The following ARMC2 variants were observed in gnomAD, a reference collection of about 807,000 sequenced individuals.
ARMC2 encodes armadillo repeat-containing protein 2.
Under a neutral mutation model 90.3 loss-of-function variants are expected in ARMC2, and 67 were observed. That is an observed-to-expected ratio of 0.74 (90% CI 0.61 to 0.91). ARMC2 has a LOEUF of 0.91. Ranked by LOEUF, ARMC2 falls within the 40% of genes least tolerant of loss-of-function variation. The probability of loss-of-function intolerance (pLI) is 0.00; values close to 1 mark genes in which losing one functional copy is unlikely to be tolerated. For synonymous variants in ARMC2, 393 were observed against 393.0 expected, an observed-to-expected ratio of 1.00 and a Z score of 0.00; for missense variants, 920 against 1,030.9, an observed-to-expected ratio of 0.89 and a Z score of 1.47.
intron 9 of ARMC2, 53 bp downstream of exon 9, chr6:108,911,054 T>C: frequency 1.8e-6 from 2 of 1,130,336 alleles, no homozygotes; most frequent in Admixed American, 2.6e-5. Context: ...GAGTAAAAAT[T>C]AGAAGTCTGG....
chr6:108,854,183 C>A, intron 1 of ARMC2, 42 bp from the exon 2 acceptor site: 5 of 1,103,696 alleles, frequency 4.5e-6, no homozygotes, highest in Non-Finnish European at 6.5e-6. Flanking sequence ...TTATAAAGTC[C>A]TGGACAAAAA....
chr6:109,008,920 T>C, the ARMC2 span: 1 of 988,086 alleles, frequency 1.0e-6, no homozygotes, highest in Non-Finnish European at 1.2e-6. Flanking sequence ...GCAAAGGGGA[T>C]GAAGGTGGCT....
intron 10 of ARMC2, among the ~76,000 whole-genome samples, chr6:108,918,824 C>T (rs1297981896): frequency 2.0e-5 from 3 of 152,222 alleles, no homozygotes; most frequent in African/African-American, 4.8e-5. Flanking sequence ...GGGCAAGGCA[C>T]ATAGTAGGCA....
chr6:108,869,762 G>A (rs941628293), intron 4 of ARMC2, among the ~76,000 whole-genome samples: 11 of 152,032 alleles, frequency 7.2e-5, no homozygotes, highest in African/African-American at 2.7e-4. Flanking sequence ...CTAAACCTGG[G>A]AACAGAGAGG....
chr6:108,892,158 G>A (rs1024086820), intron 5 of ARMC2, among the ~76,000 whole-genome samples: 3 of 152,048 alleles, frequency 2.0e-5, no homozygotes, highest in Non-Finnish European at 4.4e-5. Flanking sequence ...TTGAAAGCAA[G>A]GCCTTGTCCC....
intron 4 of ARMC2, among the ~76,000 whole-genome samples, chr6:108,875,470 C>T (rs1455937933): frequency 6.6e-6 from 1 of 152,114 alleles, no homozygotes; most frequent in Admixed American, 6.6e-5. Context: ...ACCTTAGAGC[C>T]TCCATACCAG....
chr6:108,917,295 C>G (rs1227294293), intron 10 of ARMC2, among the ~76,000 whole-genome samples: 2 of 152,128 alleles, frequency 1.3e-5, no homozygotes, highest in Admixed American at 1.3e-4. Flanking sequence ...ACCTCCCTAG[C>G]AGCTCCCGCA....
chr6:108,943,849 A>G (rs1776624058), intron 12 of ARMC2, among the ~76,000 whole-genome samples: 1 of 152,176 alleles, frequency 6.6e-6, no homozygotes, highest in South Asian at 2.1e-4. Context: ...ACAAAACAAG[A>G]CAAAACAAAA....
At chr6:108,984,838 CAA>C in the ARMC2 span, among the ~76,000 whole-genome samples, 1 of 152,188 alleles carries the variant, frequency 6.6e-6, no homozygotes, top group Non-Finnish European at 1.5e-5. Context: ...GCAAAATCCA[CAA>C]ACTTTCCTAG....
intron 10 of ARMC2, among the ~76,000 whole-genome samples, chr6:108,918,982 G>C (rs986465559): frequency 6.6e-6 from 1 of 152,200 alleles, no homozygotes; most frequent in Non-Finnish European, 1.5e-5. Flanking sequence ...TAATCTTTTT[G>C]TTCGGGCTTT....
intron 3 of ARMC2, among the ~76,000 whole-genome samples, chr6:108,859,919 G>T (rs1394870964): frequency 1.3e-5 from 2 of 151,504 alleles, no homozygotes; most frequent in Non-Finnish European, 2.9e-5. Context: ...CAAGAGAATT[G>T]CTTGAACTCG....
chr6:108,876,120 A>G, intron 4 of ARMC2, 23 bp from the exon 5 acceptor site: 9 of 1,560,566 alleles, frequency 5.8e-6, no homozygotes, highest in Non-Finnish European at 7.0e-6. Context: ...CTTCAACAAA[A>G]TATTTTCTTG....
intron 12 of ARMC2, among the ~76,000 whole-genome samples, chr6:108,937,822 G>A (rs1223256437): frequency 6.6e-6 from 1 of 152,066 alleles, no homozygotes; most frequent in African/African-American, 2.4e-5. Flanking sequence ...AGCCTCCCGA[G>A]TAGCTGGGAC....
At chr6:109,011,853 T>C in the ARMC2 span, among the ~76,000 whole-genome samples, 1 of 152,114 alleles carries the variant, frequency 6.6e-6, no homozygotes, top group African/African-American at 2.4e-5. Context: ...GGTCTCAAAT[T>C]CCTGGACTCA....
At chr6:108,986,270 CAG>C in the ARMC2 span, among the ~76,000 whole-genome samples, 1 of 152,140 alleles carries the variant, frequency 6.6e-6, no homozygotes, top group East Asian at 1.9e-4. Flanking sequence ...AAAATGGTCT[CAG>C]ATAAGATTCT....
intron 5 of ARMC2, among the ~76,000 whole-genome samples, chr6:108,877,536 A>C (rs1777059261): frequency 6.6e-6 from 1 of 152,216 alleles, no homozygotes; most frequent in Non-Finnish European, 1.5e-5. Context: ...GAAAACATCA[A>C]ACTGGCCATT....
chr6:108,910,561 G>C (rs1464074636), intron 8 of ARMC2, among the ~76,000 whole-genome samples: 1 of 152,168 alleles, frequency 6.6e-6, no homozygotes, highest in African/African-American at 2.4e-5. Context: ...ATATGATCTG[G>C]CAACCCCACT....
intron 5 of ARMC2, among the ~76,000 whole-genome samples, chr6:108,878,987 A>G (rs1777207378): frequency 6.6e-6 from 1 of 151,618 alleles, no homozygotes; most frequent in African/African-American, 2.4e-5. Context: ...CTGTCCATTC[A>G]TCCATCCATC....
the ARMC2 span, among the ~76,000 whole-genome samples, chr6:109,010,638 T>C: frequency 6.6e-6 from 1 of 152,110 alleles, no homozygotes; most frequent in Non-Finnish European, 1.5e-5. Flanking sequence ...ATGGTTACTT[T>C]TTATTTATCT....
Sources: allele counts gnomAD v4.1 joint callset (sites outside exome capture counted in the v4.1 genomes callset), GRCh38; gene constraint gnomAD v4.1.1; transcripts MANE v1.5; gene names NCBI Gene and HGNC (gene_info 2026-07-23, HGNC 2026-07-21).